CPVL: variants seen among roughly 807,000 people sequenced by gnomAD.
CPVL encodes the protein carboxypeptidase vitellogenic like.
A neutral mutation model predicts 63.7 loss-of-function variants in CPVL; 51 were observed. The ratio of observed to expected loss-of-function variants is 0.80; its 90% confidence interval spans 0.64 to 1.01. CPVL has a LOEUF of 1.01. Among genes scored for constraint, CPVL ranks in the 50% least tolerant of loss-of-function variants. The pLI is 0.00. For missense variants in CPVL, 530 were observed against 573.1 expected (o/e 0.92, Z 0.77); for synonymous variants, 195 against 206.0 (o/e 0.95, Z 0.46).
Position 29,114,708 on chromosome 7 carries a change from T to C in CPVL, c.170-1886A>G, listed in dbSNP as rs114366099. ...GACCACACAGTTCCTTTGCTGATCC[T>C]AGTGCTCCTATAGACCAGCTGGTGA... On this transcript the variant is annotated intron_variant, in intron 2 of 12. Transcript: ENST00000265394. Among the ~76,000 whole-genome samples the C allele has an allele frequency of 5.0e-3, 759 of 152,290 alleles. 5 individuals are homozygous for C. The highest frequency in any genetic ancestry group is 0.017 in the African/African-American group (706 of 41,558).
Position 29,106,885 on chromosome 7 carries a change from C to G in CPVL, c.288+5819G>C, listed in dbSNP as rs557389627. 6.6e-5 allele frequency among the ~76,000 whole-genome samples: 10 copies of G among 152,286 alleles called. No individual in the cohort carries two copies. The East Asian group carries it at 1.9e-3, about 29-fold the overall frequency. The stretch of plus-strand genomic sequence containing the variant: ...TAAGACAACAATAATAATTTTTGAT[C>G]TCTCGGGATTCCTGTGGGTCAGAAA... On this transcript the variant is annotated intron_variant, in intron 3 of 12. Transcript: ENST00000265394.
intron 1 of CPVL, 167 bp downstream of exon 1, chr7:29,146,262 A>C: frequency 4.1e-6 from 1 of 245,638 alleles, no homozygotes; most frequent in Admixed American, 5.0e-5. Flanking sequence ...TTGAACTTTG[A>C]CTCGGCCACG....
Position 29,068,836 on chromosome 7 carries a change from A to C in CPVL, c.865-2715T>G, listed in dbSNP as rs538780637. On this transcript the variant is annotated intron_variant, in intron 9 of 12. Coordinates refer to ENST00000265394, the MANE Select transcript of CPVL (RefSeq NM_031311.5). ...CAGCCTCCCGAGTAGCTGGGACTAC[A>C]GGCGCCCGCCACTACGCCCGGCTAA... Among the ~76,000 whole-genome samples the C allele has an allele frequency of 8.4e-3, 1,260 of 150,382 alleles. 8 individuals are homozygous for C. The highest frequency in any genetic ancestry group is 0.014 in the Admixed American group (211 of 15,158).
At position 29,125,749 on chromosome 7, in the gene CPVL, T is replaced by C. The variant is rs186057120; in HGVS notation, c.-10-4678A>G. Among the ~76,000 whole-genome samples the C allele has an allele frequency of 7.4e-3, 1,127 of 152,324 alleles. 5 individuals carry two copies. The highest frequency in any genetic ancestry group is 0.012 in the Non-Finnish European group (835 of 68,038). On this transcript the variant is annotated intron_variant, in intron 1 of 12. Coordinates refer to ENST00000265394, the MANE Select transcript of CPVL (RefSeq NM_031311.5). Reference sequence around the variant, plus strand: ...AATATTCTGACTCTTACTGTCTCAATAGATAATAACAGCCTGTAATAGTCT... The same window carrying C: ...AATATTCTGACTCTTACTGTCTCAACAGATAATAACAGCCTGTAATAGTCT...
chr7:29,065,099 TGAAA>T (rs1391797229), intron 10 of CPVL, among the ~76,000 whole-genome samples: 19 of 136,018 alleles, frequency 1.4e-4, no homozygotes, highest in South Asian at 2.8e-4. Context: ...ATCATTATAC[TGAAA>T]GAAAGGAGTA....
At chr7:29,069,330 A>G (rs564656988) in intron 9 of CPVL, among the ~76,000 whole-genome samples, 1 of 151,328 alleles carries the variant, frequency 6.6e-6, no homozygotes, top group South Asian at 2.1e-4. Flanking sequence ...AATCCCAGCT[A>G]CTCGGGAGGC....
Position 29,070,757 on chromosome 7 carries a change from C to A in CPVL, c.864+1016G>T, listed in dbSNP as rs539664530. On this transcript the variant is annotated intron_variant, in intron 9 of 12. Transcript: ENST00000265394. ...TCAGAATTCACGGCAAGGGCGGTCACTGCCTTGGGGGATTTCTGATAGTGT... is the reference window on the plus strand; with the variant it reads ...TCAGAATTCACGGCAAGGGCGGTCAATGCCTTGGGGGATTTCTGATAGTGT... Among the ~76,000 whole-genome samples, 52 of 152,194 alleles carry A rather than the reference C, an allele frequency of 3.4e-4. 1 individual carries two copies. The highest frequency in any genetic ancestry group is 6.6e-4 in the Non-Finnish European group (45 of 68,024).
chr7:29,093,573 A>C (rs1312062075), intron 5 of CPVL, among the ~76,000 whole-genome samples: 1 of 152,128 alleles, frequency 6.6e-6, no homozygotes, highest in Non-Finnish European at 1.5e-5. Flanking sequence ...TTAAACTAAT[A>C]TTTTCTTATT....
intron 1 of CPVL, chr7:29,194,968 G>T: frequency 6.3e-7 from 1 of 1,586,036 alleles, no homozygotes; most frequent in Non-Finnish European, 8.6e-7. Flanking sequence ...ACTCCAGCCT[G>T]TCCGGCTCGT....
chr7:29,114,654 T>C (rs1039547683), intron 2 of CPVL, among the ~76,000 whole-genome samples: 2 of 151,950 alleles, frequency 1.3e-5, no homozygotes, highest in Non-Finnish European at 2.9e-5. Flanking sequence ...TATATAGGCA[T>C]GCCTCTCAAA....
intron 3 of CPVL, chr7:29,096,486 T>C (rs1786413043): frequency 2.0e-6 from 1 of 504,424 alleles, no homozygotes; most frequent in Non-Finnish European, 3.6e-6. Flanking sequence ...TCCTTAAATG[T>C]AGATGCTTGG....
chr7:29,027,456 A>G (rs1787608216), intron 12 of CPVL, among the ~76,000 whole-genome samples: 1 of 152,204 alleles, frequency 6.6e-6, no homozygotes, highest in African/African-American at 2.4e-5. Context: ...CCTATTCAAC[A>G]TAGTACCAGA....
intron 5 of CPVL, among the ~76,000 whole-genome samples, chr7:29,162,475 A>G (rs532909556): frequency 6.6e-6 from 1 of 152,260 alleles, no homozygotes; most frequent in East Asian, 1.9e-4. Context: ...CAGTCTGACC[A>G]ACATGGAGAA....
rs116020736 is a variant in CPVL, at chr7:29,034,730, G to T, written c.1138-3971C>A. On this transcript the variant is annotated intron_variant, in intron 11 of 12. Coordinates refer to ENST00000265394, the MANE Select transcript of CPVL (RefSeq NM_031311.5). The stretch of plus-strand genomic sequence containing the variant: ...ATTTTTCGTATTTTTGGTAGAGACA[G>T]GGTATCACCATGTTGCCAAGGCTGC... Among the ~76,000 whole-genome samples the T allele has an allele frequency of 5.3e-3, 801 of 151,896 alleles. 8 individuals are homozygous for T. The highest frequency in any genetic ancestry group is 0.018 in the African/African-American group (763 of 41,382).
upstream of CPVL, chr7:29,146,641 G>C (rs1180140443): frequency 6.4e-7 from 1 of 1,550,592 alleles, no homozygotes; most frequent in East Asian, 2.4e-5. Flanking sequence ...CCTGGTCCCA[G>C]AAACCTGGCC....
At chr7:29,036,255 G>A (rs1029477097) in intron 11 of CPVL, among the ~76,000 whole-genome samples, 2 of 152,146 alleles carry the variant, frequency 1.3e-5, no homozygotes, top group African/African-American at 4.8e-5. Flanking sequence ...TGGACATGAG[G>A]ATGCGACGAA....
intron 12 of CPVL, among the ~76,000 whole-genome samples, chr7:29,025,190 T>C (rs1316047595): frequency 2.6e-5 from 4 of 152,214 alleles, no homozygotes; most frequent in African/African-American, 9.6e-5. Flanking sequence ...TTCTGCATCA[T>C]AATAAAAACA....
intron 1 of CPVL, among the ~76,000 whole-genome samples, chr7:29,121,304 C>T (rs946608366): frequency 6.6e-6 from 1 of 151,822 alleles, no homozygotes; most frequent in African/African-American, 2.4e-5. Flanking sequence ...TTTTCAATTA[C>T]TGATTTTTTT....
intron 5 of CPVL, among the ~76,000 whole-genome samples, chr7:29,151,999 T>G (rs1793658897): frequency 6.6e-6 from 1 of 152,194 alleles, no homozygotes; most frequent in African/African-American, 2.4e-5. Flanking sequence ...CTTGTTTAGG[T>G]TTTATTTTAT....
Sources: allele counts gnomAD v4.1 joint callset (sites outside exome capture counted in the v4.1 genomes callset), GRCh38; gene constraint gnomAD v4.1.1; transcripts MANE v1.5; gene names NCBI Gene and HGNC (gene_info 2026-07-23, HGNC 2026-07-21).